The following FRMD3 variants were observed in gnomAD, a reference collection of about 807,000 sequenced individuals.
FRMD3 encodes FERM domain-containing protein 3.
In FRMD3, 33 loss-of-function variants were observed where a neutral mutation model predicts 70.2. That is an observed-to-expected ratio of 0.47 (90% CI 0.36 to 0.63). The LOEUF (loss-of-function observed/expected upper bound fraction) is 0.63, where lower values mean the gene tolerates loss of function less well. FRMD3 is among the 20% of genes least tolerant of loss of function. The pLI, the probability that FRMD3 is intolerant of heterozygous loss-of-function variation, is 0.00. For missense variants in FRMD3, 632 were observed against 711.4 expected, an observed-to-expected ratio of 0.89 and a Z score of 1.27; for synonymous variants, 279 against 255.9, an observed-to-expected ratio of 1.09 and a Z score of -0.86.
At chr9:83,458,447 T>C (rs2131432140) in intron 1 of FRMD3, among the ~76,000 whole-genome samples, 1 of 152,296 alleles carries the variant, frequency 6.6e-6, no homozygotes, top group East Asian at 1.9e-4. Context: ...TGAAATCTGG[T>C]ATCAATAAGG....
chr9:83,415,443 T>TC (rs1826405343), intron 1 of FRMD3, among the ~76,000 whole-genome samples: 1 of 90,362 alleles, frequency 1.1e-5, no homozygotes, highest in African/African-American at 4.5e-5. Context: ...AAGGAAATTC[T>TC]TTTTTTTTTT....
chr9:83,344,861 C>T (rs1407768998), intron 4 of FRMD3, among the ~76,000 whole-genome samples: 2 of 103,246 alleles, frequency 1.9e-5, no homozygotes, highest in East Asian at 5.4e-4. Context: ...GTGTGTGTAG[C>T]CTATTGGTTC....
chr9:83,383,067 T>C (rs1241104665), intron 2 of FRMD3, among the ~76,000 whole-genome samples: 4 of 152,194 alleles, frequency 2.6e-5, no homozygotes, highest in Non-Finnish European at 4.4e-5. Flanking sequence ...GGAGAGGTCA[T>C]CTGGAAAGGG....
At chr9:83,464,182 C>G (rs75194778) in intron 1 of FRMD3, among the ~76,000 whole-genome samples, 1 of 152,206 alleles carries the variant, frequency 6.6e-6, no homozygotes, top group Non-Finnish European at 1.5e-5. Context: ...TTAATGCTGA[C>G]GGTAAGCCTC....
chr9:83,524,311 T>C (rs758030531), intron 1 of FRMD3, among the ~76,000 whole-genome samples: 36 of 152,168 alleles, frequency 2.4e-4, no homozygotes, highest in Admixed American at 6.5e-4. Context: ...ATGCCAAACA[T>C]GTAAAAGGAA....
chr9:83,269,672 G>A (rs1028907589), intron 13 of FRMD3, among the ~76,000 whole-genome samples: 12 of 152,016 alleles, frequency 7.9e-5, no homozygotes, highest in Non-Finnish European at 1.3e-4. Flanking sequence ...TCTCACCGCC[G>A]CACTCTAGCC....
chr9:83,368,734 T>G (rs1013861045), intron 3 of FRMD3, among the ~76,000 whole-genome samples: 1 of 152,240 alleles, frequency 6.6e-6, no homozygotes, highest in Non-Finnish European at 1.5e-5. Flanking sequence ...GTGTCACTTG[T>G]GTCATTAGAT....
intron 12 of FRMD3, among the ~76,000 whole-genome samples, chr9:83,293,062 GGAGA>G (rs989068457): frequency 6.6e-6 from 1 of 152,214 alleles, no homozygotes; most frequent in Non-Finnish European, 1.5e-5. Flanking sequence ...GTGTGAGTGA[GGAGA>G]GAGCCAGGAG....
At chr9:83,267,040 G>A (rs1020077417) in intron 13 of FRMD3, 20 of 1,550,980 alleles carry the variant, frequency 1.3e-5, no homozygotes, top group South Asian at 7.1e-5. Context: ...CCTTGGAGCC[G>A]AGTCTCAGCA....
intron 1 of FRMD3, among the ~76,000 whole-genome samples, chr9:83,424,015 T>C (rs1038922642): frequency 1.3e-5 from 2 of 152,244 alleles, no homozygotes; most frequent in Non-Finnish European, 2.9e-5. Context: ...CAGTCAAGAG[T>C]AAATCTTCTT....
At chr9:83,503,240 T>C (rs1829111689) in intron 1 of FRMD3, among the ~76,000 whole-genome samples, 1 of 152,156 alleles carries the variant, frequency 6.6e-6, no homozygotes, top group African/African-American at 2.4e-5. Flanking sequence ...ATTATCTGCA[T>C]TATCCTGGTG....
intron 2 of FRMD3, among the ~76,000 whole-genome samples, chr9:83,389,170 A>C (rs1825595341): frequency 6.6e-6 from 1 of 151,056 alleles, no homozygotes; most frequent in Non-Finnish European, 1.5e-5. Context: ...CTGGTCTTGA[A>C]CTCCTGGGTT....
intron 10 of FRMD3, among the ~76,000 whole-genome samples, chr9:83,308,537 C>A (rs948102417): frequency 2.0e-5 from 3 of 152,088 alleles, no homozygotes; most frequent in Non-Finnish European, 4.4e-5. Context: ...TGGATGAGGT[C>A]CAGGGGTGTA....
intron 1 of FRMD3, among the ~76,000 whole-genome samples, chr9:83,445,864 C>A (rs927736691): frequency 1.3e-5 from 2 of 152,186 alleles, no homozygotes; most frequent in African/African-American, 2.4e-5. Context: ...GGAATAAACA[C>A]CCAAACCAAA....
rs542078174 is a variant in FRMD3, at chr9:83,506,305, C to A, written c.147+31780G>T. 1.9e-3 allele frequency among the ~76,000 whole-genome samples: 293 copies of A among 152,240 alleles called. 1 individual carries two copies. The highest frequency in any genetic ancestry group is 6.8e-3 in the Middle Eastern group (2 of 294). On this transcript the variant is annotated intron_variant, in intron 1 of 13. Coordinates refer to ENST00000304195, the MANE Select transcript of FRMD3 (RefSeq NM_174938.6). Reference sequence around the variant, plus strand: ...AAGAAACCAAATAATGGAATACAGTCATGTGTTATTTATCAAGGGGGTTAC... The same window carrying A: ...AAGAAACCAAATAATGGAATACAGTAATGTGTTATTTATCAAGGGGGTTAC...
chr9:83,304,820 C>T (rs750942846), intron 10 of FRMD3, among the ~76,000 whole-genome samples: 2 of 152,184 alleles, frequency 1.3e-5, no homozygotes, highest in Non-Finnish European at 2.9e-5. Context: ...CCATGACAGA[C>T]CACACATGGT....
At chr9:83,548,144 C>T in the FRMD3 span, among the ~76,000 whole-genome samples, 1 of 152,150 alleles carries the variant, frequency 6.6e-6, no homozygotes, top group Non-Finnish European at 1.5e-5. Context: ...GGTACAGCCA[C>T]TTTGAAAGAC....
At chr9:83,453,892 T>A (rs1204009183) in intron 1 of FRMD3, among the ~76,000 whole-genome samples, 1 of 151,986 alleles carries the variant, frequency 6.6e-6, no homozygotes, top group East Asian at 1.9e-4. Flanking sequence ...ATTTTTTGTA[T>A]TTTTAGTAGA....
chr9:83,295,683 A>G (rs1248355677), intron 12 of FRMD3, among the ~76,000 whole-genome samples: 4 of 152,182 alleles, frequency 2.6e-5, no homozygotes, highest in Admixed American at 2.6e-4. Context: ...TGACCCCTAC[A>G]CAGGTGCTTG....
Sources: gnomAD v4.1 joint callset for allele counts (sites outside exome capture counted in the v4.1 genomes callset) on GRCh38, gnomAD v4.1.1 for gene constraint, MANE v1.5 for transcripts, NCBI Gene and HGNC (gene_info 2026-07-23, HGNC 2026-07-21) for gene names.